The following CHD7 variants were observed in gnomAD, a reference collection of about 807,000 sequenced individuals.
CHD7 encodes chromodomain helicase DNA binding protein 7.
CHD7 carries 24 observed loss-of-function variants against 307.3 expected under a neutral mutation model. The ratio of observed to expected loss-of-function variants is 0.08; its 90% confidence interval spans 0.06 to 0.11. The LOEUF (loss-of-function observed/expected upper bound fraction) is 0.11. Among genes scored for constraint, CHD7 ranks in the 10% least tolerant of loss-of-function variants. The probability of loss-of-function intolerance (pLI) is 1.00; values close to 1 mark genes in which losing one functional copy is unlikely to be tolerated. For missense variants in CHD7, 3,106 were observed against 3,727.1 expected (o/e 0.83, Z 4.34); for synonymous variants, 1,363 against 1,349.9 (o/e 1.01, Z -0.21).
intron 7 of CHD7, among the ~76,000 whole-genome samples, chr8:60,816,109 GTCTGTCTCTC>G (rs944556325): frequency 7.5e-5 from 5 of 67,062 alleles, no homozygotes; most frequent in East Asian, 4.9e-4. Context: ...CTGTCTGTCT[GTCTGTCTCTC>G]TCTCTCTCTC....
At chr8:60,864,955 A>G (rs1806170371) in intron 37 of CHD7, 61 bp from the exon 38 acceptor site, 2 of 1,487,376 alleles carry the variant, frequency 1.3e-6, no homozygotes, top group South Asian at 2.5e-5. Context: ...AGAGGCTCAC[A>G]TTGAGATCAA....
chr8:60,861,456 T>C (rs1805971082), intron 35 of CHD7: 1 of 209,510 alleles, frequency 4.8e-6, no homozygotes, highest in South Asian at 1.3e-4. Context: ...GGTAACACTG[T>C]TGAATGCACT....
chr8:60,850,178 C>T (rs577065719), intron 25 of CHD7, among the ~76,000 whole-genome samples: 13 of 152,272 alleles, frequency 8.5e-5, no homozygotes, highest in Non-Finnish European at 1.2e-4. Flanking sequence ...TTCTAAATGT[C>T]AAGCAAAATT....
intron 1 of CHD7, among the ~76,000 whole-genome samples, chr8:60,714,772 T>C (rs902938348): frequency 3.9e-5 from 6 of 152,208 alleles, no homozygotes; most frequent in African/African-American, 1.4e-4. Context: ...CCCCGTAACT[T>C]GACCTCAGCA....
chr8:60,777,159 G>C (rs1810991514), intron 2 of CHD7, among the ~76,000 whole-genome samples: 1 of 152,068 alleles, frequency 6.6e-6, no homozygotes, highest in South Asian at 2.1e-4. Flanking sequence ...TGGTCCGCTT[G>C]GTACCATCTT....
At chr8:60,702,649 G>A (rs936058503) in intron 1 of CHD7, among the ~76,000 whole-genome samples, 2 of 152,226 alleles carry the variant, frequency 1.3e-5, no homozygotes, top group African/African-American at 4.8e-5. Flanking sequence ...TGAATAAAAT[G>A]CAAAAGTGAC....
chr8:60,821,343 G>A (rs892031015), intron 9 of CHD7, among the ~76,000 whole-genome samples: 3 of 152,022 alleles, frequency 2.0e-5, no homozygotes, highest in Non-Finnish European at 4.4e-5. Flanking sequence ...TTGATAAAAG[G>A]CTAATTTGTT....
chr8:60,776,534 G>A (rs999891655), intron 2 of CHD7, among the ~76,000 whole-genome samples: 67 of 152,148 alleles, frequency 4.4e-4, no homozygotes, highest in Admixed American at 4.4e-3. Context: ...CTCAGCCTGG[G>A]ACAGTTTTTA....
At chr8:60,764,851 G>A (rs574834302) in intron 2 of CHD7, among the ~76,000 whole-genome samples, 6 of 152,292 alleles carry the variant, frequency 3.9e-5, no homozygotes, top group Non-Finnish European at 8.8e-5. Context: ...AGAAACTTAC[G>A]CAGACATAGT....
Position 60,861,133 on chromosome 8 carries a change from T to C in CHD7, c.7830+8T>C. ...ATGCCAAGTTATGTACCAGTGAGTA[T>C]TGCAGAGTTTAGAGTTGGAAGGAAT... On this transcript the variant is annotated splice_region_variant and intron_variant, in intron 35 of 37. Coordinates refer to ENST00000423902, the MANE Select transcript of CHD7 (RefSeq NM_017780.4). 1 of 1,562,318 alleles carries C rather than the reference T, an allele frequency of 6.4e-7. No individual in the cohort carries two copies. The highest frequency in any genetic ancestry group is 8.7e-7 in the Non-Finnish European group (1 of 1,152,722).
At chr8:60,817,637 A>G (rs1047705974) in intron 8 of CHD7, among the ~76,000 whole-genome samples, 1 of 152,224 alleles carries the variant, frequency 6.6e-6, no homozygotes, top group East Asian at 1.9e-4. Context: ...ATGTGACTCA[A>G]TTCATAGATC....
chr8:60,798,267 G>T (rs1187235471), intron 4 of CHD7, among the ~76,000 whole-genome samples: 1 of 152,294 alleles, frequency 6.6e-6, no homozygotes, highest in East Asian at 1.9e-4. Flanking sequence ...TGTAGAGGAG[G>T]GTCCCAGGAG....
At chr8:60,733,585 A>G (rs1283267318) in intron 1 of CHD7, among the ~76,000 whole-genome samples, 1 of 152,180 alleles carries the variant, frequency 6.6e-6, no homozygotes, top group African/African-American at 2.4e-5. Context: ...GGTGTAAAGG[A>G]CACAAATTTT....
intron 1 of CHD7, among the ~76,000 whole-genome samples, chr8:60,682,346 C>A (rs1256977942): frequency 6.6e-6 from 1 of 152,162 alleles, no homozygotes; most frequent in Non-Finnish European, 1.5e-5. Context: ...GGAAATGTTA[C>A]AACCGTTTTT....
chr8:60,820,954 C>G (rs1232362114), intron 9 of CHD7, among the ~76,000 whole-genome samples: 2 of 152,156 alleles, frequency 1.3e-5, no homozygotes, highest in Non-Finnish European at 2.9e-5. Flanking sequence ...TTCCTTGGTC[C>G]TGAAATGAAG....
intron 1 of CHD7, among the ~76,000 whole-genome samples, chr8:60,683,408 A>G (rs539461292): frequency 2.9e-4 from 44 of 152,352 alleles, no homozygotes; most frequent in African/African-American, 9.6e-4. Context: ...AAGAGCTAGG[A>G]AGGTAATTTA....
rs189618218 is a variant in CHD7, at chr8:60,823,962, C to T, written c.3324C>T (p.His1108=). The change falls in exon 13 of 38, where the codon CAC becomes CAT. Residue 1108 remains histidine (H), a synonymous_variant. Coordinates refer to ENST00000423902, the MANE Select transcript of CHD7 (RefSeq NM_017780.4). ...PWRCVVIDEA[H]RLKNRNCKLL... ...GCTGTGTAGTCATTGATGAAGCCCA[C>T]AGGCTGAAGAACAGGAACTGCAAGC... The T allele has an allele frequency of 1.5e-5, 24 of 1,613,840 alleles. No individual in the cohort carries two copies. Among genetic ancestry groups the T allele is most frequent in the Admixed American group, 1.0e-4 (6 of 60,010 alleles).
chr8:60,835,993 T>C, intron 15 of CHD7, 80 bp from the exon 16 acceptor site: 1 of 1,022,242 alleles, frequency 9.8e-7, no homozygotes, highest in Middle Eastern at 2.5e-4. Context: ...CAGTTTGCAA[T>C]GGGTTTTGAA....
chr8:60,714,188 G>GGGGCATCCCCTGGGCCA (rs1315450136), intron 1 of CHD7, among the ~76,000 whole-genome samples: 2 of 151,872 alleles, frequency 1.3e-5, no homozygotes, highest in Non-Finnish European at 2.9e-5. Context: ...CCCGGGGGGC[G>GGGGCATCCCCTGGGCCA]GGGCATCCCC....
Sources: gnomAD v4.1 joint callset for allele counts (sites outside exome capture counted in the v4.1 genomes callset) on GRCh38, gnomAD v4.1.1 for gene constraint, MANE v1.5 for transcripts, NCBI Gene and HGNC (gene_info 2026-07-23, HGNC 2026-07-21) for gene names.